HENMT1: variants seen among roughly 807,000 people sequenced by gnomAD.
HENMT1 encodes HEN methyltransferase 1, also known as small RNA 2'-O-methyltransferase.
In HENMT1, 27 loss-of-function variants were observed where a neutral mutation model predicts 31.1. The ratio of observed to expected loss-of-function variants is 0.87; its 90% CI spans 0.64 to 1.20. The LOEUF is 1.20. HENMT1 is among the 50% of genes most tolerant of loss of function. The pLI, the probability that HENMT1 is intolerant of heterozygous loss-of-function variation, is 0.00. For missense variants in HENMT1, 438 were observed against 469.6 expected, an observed-to-expected ratio of 0.93 and a Z score of 0.62; for synonymous variants, 167 against 172.2, an observed-to-expected ratio of 0.97 and a Z score of 0.24.
chr1:108,654,381 T>G (rs914892052), intron 5 of HENMT1, among the ~76,000 whole-genome samples: 1 of 152,052 alleles, frequency 6.6e-6, no homozygotes, highest in Non-Finnish European at 1.5e-5. Flanking sequence ...ATACCCTTAA[T>G]TGATTCAGGA....
chr1:108,661,116 T>TCACGCAGC, upstream of HENMT1: 1 of 524,608 alleles, frequency 1.9e-6, no homozygotes, highest in Non-Finnish European at 2.4e-6. Flanking sequence ...CCTCGCTGCG[T>TCACGCAGC]GACGCTACCG....
chr1:108,650,120 C>T, intron 7 of HENMT1, 91 bp downstream of exon 7: 1 of 1,095,740 alleles, frequency 9.1e-7, no homozygotes, highest in Non-Finnish European at 1.4e-6. Flanking sequence ...CATTTACACT[C>T]ATCTCTACTT....
Position 108,648,448 on chromosome 1 carries a change from A to T in HENMT1, c.*118T>A. 1 of 861,654 alleles carries T rather than the reference A, an allele frequency of 1.2e-6. No individual in the cohort carries two copies. The highest frequency in any genetic ancestry group is 1.8e-6 in the Non-Finnish European group (1 of 568,446). The allele number at this position is 861,654 out of a possible 1,614,324, so 53.4% of individuals were successfully genotyped here. ...AGGTCTGTCCAATGGCTTGGAACATAGACTTTTGCAGTGAAACTTTAAAAA... is the reference window on the plus strand; with the variant it reads ...AGGTCTGTCCAATGGCTTGGAACATTGACTTTTGCAGTGAAACTTTAAAAA... On this transcript the variant is annotated 3_prime_UTR_variant, in exon 8 of 8. Coordinates refer to ENST00000651461, the MANE Select transcript of HENMT1 (RefSeq NM_001102592.2).
Sources: allele counts gnomAD v4.1 joint callset (sites outside exome capture counted in the v4.1 genomes callset), GRCh38; gene constraint gnomAD v4.1.1; transcripts MANE v1.5; gene names NCBI Gene and HGNC (gene_info 2026-07-23, HGNC 2026-07-21).